The following BACH2 variants were observed in gnomAD, a reference collection of about 807,000 sequenced individuals.
BACH2 encodes transcription regulator protein BACH2.
A neutral mutation model predicts 61.8 loss-of-function variants in BACH2; 5 were observed. That is an observed-to-expected ratio of 0.08 (90% confidence interval 0.04 to 0.17). The LOEUF (loss-of-function observed/expected upper bound fraction) is 0.17, where lower values mean the gene tolerates loss of function less well. BACH2 is among the 10% of genes least tolerant of loss of function. The probability of loss-of-function intolerance (pLI) is 1.00; values close to 1 mark genes in which losing one functional copy is unlikely to be tolerated. For synonymous variants in BACH2, 446 were observed against 440.1 expected, an observed-to-expected ratio of 1.01 and a Z score of -0.17; for missense variants, 824 against 1,091.1, an observed-to-expected ratio of 0.76 and a Z score of 3.45.
intron 4 of BACH2, among the ~76,000 whole-genome samples, chr6:90,098,446 G>A (rs1346397198): frequency 2.0e-5 from 3 of 152,176 alleles, no homozygotes; most frequent in African/African-American, 7.2e-5. Flanking sequence ...AAAATTAGGA[G>A]TGCCAGACCA....
intron 5 of BACH2, among the ~76,000 whole-genome samples, chr6:90,015,284 A>G (rs779613511): frequency 6.6e-6 from 1 of 151,858 alleles, no homozygotes; most frequent in Non-Finnish European, 1.5e-5. Context: ...GCTGATCTCT[A>G]TTCTCATTGT....
chr6:89,965,003 A>G (rs912704888), intron 6 of BACH2, among the ~76,000 whole-genome samples: 1 of 151,846 alleles, frequency 6.6e-6, no homozygotes, highest in Admixed American at 6.6e-5. Flanking sequence ...TCGTGCCTCA[A>G]CCTCCCAAGT....
At chr6:90,151,361 T>A (rs1784805089) in intron 4 of BACH2, among the ~76,000 whole-genome samples, 1 of 152,180 alleles carries the variant, frequency 6.6e-6, no homozygotes, top group Admixed American at 6.5e-5. Context: ...CACACCTTAC[T>A]GTAGCCTCGA....
chr6:90,094,225 A>C (rs1168531021), intron 4 of BACH2, among the ~76,000 whole-genome samples: 1 of 152,210 alleles, frequency 6.6e-6, no homozygotes, highest in Non-Finnish European at 1.5e-5. Context: ...TAGTTGTGAA[A>C]TGATCAGGTT....
chr6:90,229,993 G>C (rs1016972301), intron 3 of BACH2, among the ~76,000 whole-genome samples: 6 of 152,286 alleles, frequency 3.9e-5, no homozygotes, highest in African/African-American at 1.2e-4. Flanking sequence ...AGCCCTGGCT[G>C]CATATTAGCA....
intron 5 of BACH2, among the ~76,000 whole-genome samples, chr6:90,068,742 T>C (rs1009502440): frequency 1.3e-5 from 2 of 151,414 alleles, no homozygotes; most frequent in African/African-American, 2.4e-5. Context: ...AAAAGCAACA[T>C]AGCTGAGTGG....
intron 6 of BACH2, among the ~76,000 whole-genome samples, chr6:89,984,370 T>C (rs1776122625): frequency 6.6e-6 from 1 of 151,930 alleles, no homozygotes; most frequent in Non-Finnish European, 1.5e-5. Context: ...CCTAAACAAG[T>C]AATGCCACAC....
At chr6:90,175,949 T>C (rs1315858164) in intron 4 of BACH2, among the ~76,000 whole-genome samples, 2 of 151,986 alleles carry the variant, frequency 1.3e-5, no homozygotes, top group Non-Finnish European at 2.9e-5. Context: ...ACCAAACTAC[T>C]TCAACTAGCA....
Position 89,931,840 on chromosome 6 carries a change from A to G in BACH2, c.*568T>C, listed in dbSNP as rs918961896. 2.0e-5 allele frequency: 3 copies of G among 152,412 alleles called. No homozygotes were observed. The highest frequency in any genetic ancestry group is 3.7e-4 in the East Asian group (2 of 5,340). 9.4% of individuals were successfully genotyped at this position (152,412 alleles called of 1,614,324 possible). A position where few individuals can be genotyped will look rare whatever the true frequency, so the allele number is the denominator to read the frequency against. On this transcript the variant is annotated 3_prime_UTR_variant, in exon 9 of 9. Coordinates refer to ENST00000257749, the MANE Select transcript of BACH2 (RefSeq NM_021813.4). ...CCAAACTAGTTCTAGCATCAGAGAC[A>G]AAAGAAGAGGAATGTTGGAACCTGT...
At chr6:90,133,703 C>T (rs145281555) in intron 4 of BACH2, among the ~76,000 whole-genome samples, 3,140 of 152,204 alleles carry the variant, frequency 0.021, 105 homozygotes, top group African/African-American at 0.072. Context: ...CCCCACACCC[C>T]ACAACAGGCC....
At chr6:90,081,312 G>A (rs549953680) in intron 5 of BACH2, among the ~76,000 whole-genome samples, 2 of 152,150 alleles carry the variant, frequency 1.3e-5, no homozygotes, top group African/African-American at 4.8e-5. Context: ...GAAGGAAGGC[G>A]GCCAAATCGA....
At chr6:90,083,010 A>G (rs1221350603) in intron 5 of BACH2, among the ~76,000 whole-genome samples, 1 of 152,224 alleles carries the variant, frequency 6.6e-6, no homozygotes, top group Non-Finnish European at 1.5e-5. Context: ...GTTCTGGGGC[A>G]GAAGAGCAGA....
At chr6:90,295,230 G>A (rs1173474148) in intron 1 of BACH2, among the ~76,000 whole-genome samples, 1 of 152,160 alleles carries the variant, frequency 6.6e-6, no homozygotes, top group Non-Finnish European at 1.5e-5. Context: ...TCGGGCCACA[G>A]ACAAACCACC....
intron 3 of BACH2, among the ~76,000 whole-genome samples, chr6:90,218,987 G>A (rs1769644916): frequency 6.6e-6 from 1 of 151,702 alleles, no homozygotes; most frequent in Non-Finnish European, 1.5e-5. Flanking sequence ...ACGCAAGAGA[G>A]ATTGAGAGAG....
At chr6:90,230,617 CTCTT>C (rs1180070644) in intron 3 of BACH2, among the ~76,000 whole-genome samples, 1 of 152,160 alleles carries the variant, frequency 6.6e-6, no homozygotes, top group African/African-American at 2.4e-5. Context: ...ATCATTTTTT[CTCTT>C]TCTTTTAATT....
At chr6:90,167,500 G>GCA (rs1269042000) in intron 4 of BACH2, among the ~76,000 whole-genome samples, 1 of 152,094 alleles carries the variant, frequency 6.6e-6, no homozygotes, top group Non-Finnish European at 1.5e-5. Context: ...GGGATTACAG[G>GCA]CACCTGCCAC....
At chr6:90,117,504 G>A (rs1164034210) in intron 4 of BACH2, among the ~76,000 whole-genome samples, 2 of 141,408 alleles carry the variant, frequency 1.4e-5, no homozygotes, top group African/African-American at 5.4e-5. Context: ...CTATACTTCT[G>A]CAATCACAGC....
At chr6:90,255,640 A>G (rs752043470) in intron 2 of BACH2, among the ~76,000 whole-genome samples, 13 of 152,224 alleles carry the variant, frequency 8.5e-5, no homozygotes, top group Non-Finnish European at 1.3e-4. Context: ...AAATTTGCAA[A>G]AGCAAAAAAT....
intron 4 of BACH2, among the ~76,000 whole-genome samples, chr6:90,146,419 C>A (rs1229048342): frequency 2.6e-5 from 4 of 152,166 alleles, no homozygotes; most frequent in African/African-American, 9.7e-5. Context: ...TCCTCAAGGA[C>A]CAAAGTTGAT....
Sources: allele counts gnomAD v4.1 joint callset (sites outside exome capture counted in the v4.1 genomes callset), GRCh38; gene constraint gnomAD v4.1.1; transcripts MANE v1.5; gene names NCBI Gene and HGNC (gene_info 2026-07-23, HGNC 2026-07-21).